Variants in FSIP2 observed in about 807,000 individuals in gnomAD.
The protein encoded by FSIP2 is fibrous sheath interacting protein 2, also known as fibrous sheath-interacting protein 2.
Under a neutral mutation model 510.5 loss-of-function variants are expected in FSIP2, and 367 were observed. That is an observed-to-expected ratio of 0.72 (90% CI 0.66 to 0.78). The LOEUF (loss-of-function observed/expected upper bound fraction) is 0.78. Among genes scored for constraint, FSIP2 ranks in the 30% least tolerant of loss-of-function variants. The pLI is 0.00. For missense variants in FSIP2, 7,594 were observed against 7,901.7 expected, an observed-to-expected ratio of 0.96 and a Z score of 1.48; for synonymous variants, 2,601 against 2,732.2, an observed-to-expected ratio of 0.95 and a Z score of 1.50.
intron 16 of FSIP2, chr2:185,797,728 A>C (rs1303452744): frequency 3.5e-6 from 2 of 577,394 alleles, no homozygotes; most frequent in Admixed American, 4.7e-5. Flanking sequence ...TGTCTCTGTC[A>C]CTGAGGCTAG....
chr2:185,760,072 T>C (rs1486978199), intron 9 of FSIP2, among the ~76,000 whole-genome samples: 1 of 151,038 alleles, frequency 6.6e-6, no homozygotes, highest in Non-Finnish European at 1.5e-5. Context: ...CATGTATTTC[T>C]TTATTATTTC....
Position 185,789,780 on chromosome 2 carries a change from T to C in FSIP2, c.2644T>C (p.Leu882=), listed in dbSNP as rs1186027047. 6.5e-7 allele frequency: 1 copy of C among 1,534,340 alleles called. No individual in the cohort carries two copies. Among genetic ancestry groups the C allele is most frequent in the Non-Finnish European group, 8.7e-7 (1 of 1,145,688 alleles). The part of the protein sequence containing the change: ...KSSLESDEAS[L]IVNEEVQNLI... ...TAGTCTTGAATCTGATGAAGCTAGT[T>C]TAATTGTCAATGAAGAAGTACAAAA... The change falls in exon 16 of 23, where the codon TTA becomes CTA. Residue 882 remains leucine (L), a synonymous_variant. Transcript: ENST00000424728.
chr2:185,807,796 C>A lies in FSIP2; in HGVS notation c.18490C>A (p.Pro6164Thr), dbSNP rs1693622677. 1 of 1,612,524 alleles carries A rather than the reference C, an allele frequency of 6.2e-7. No homozygotes were observed. The highest frequency in any genetic ancestry group is 1.1e-5 in the South Asian group (1 of 91,002). The change falls in exon 17 of 23, where the codon CCC (proline) becomes ACC (threonine). Residue 6164 changes from proline (P) to threonine (T), a missense_variant. By Grantham distance (38) the Pro-to-Thr change is conservative. Coordinates refer to ENST00000424728, the MANE Select transcript of FSIP2 (RefSeq NM_173651.4). ...LKDVFQTTDVPLPKPSHADKL... is the reference protein window; with the variant it reads ...LKDVFQTTDVTLPKPSHADKL... ...AGATGTTTTCCAAACTACTGATGTG[C>A]CCCTACCTAAACCTTCACATGCTGA...
At chr2:185,758,687 C>T (rs1401886992) in intron 9 of FSIP2, among the ~76,000 whole-genome samples, 1 of 150,994 alleles carries the variant, frequency 6.6e-6, no homozygotes, top group African/African-American at 2.4e-5. Flanking sequence ...TGATATCTTC[C>T]TTGCTACCTG....
chr2:185,790,399 A>G lies in FSIP2; in HGVS notation c.3263A>G (p.Asn1088Ser). ...EDILKKKLSSNKDISTFSQDQ... is the reference protein window; with the variant it reads ...EDILKKKLSSSKDISTFSQDQ... The stretch of plus-strand genomic sequence containing the variant: ...ATTTTAAAGAAAAAACTTTCTTCGA[A>G]TAAAGACATTTCAACTTTCAGCCAA... Residue 1088 changes from asparagine to serine, a missense_variant, in exon 16 of 23, where the codon AAT becomes AGT. Transcript: ENST00000424728. The G allele has an allele frequency of 6.5e-7, 1 of 1,529,846 alleles. No individual in the cohort carries two copies. The allele number at this position is 1,529,846 out of a possible 1,614,324, so 94.8% of individuals were successfully genotyped here. A position where few individuals can be genotyped will look rare whatever the true frequency, so the allele number is the denominator to read the frequency against.
chr2:185,796,640 AT>A lies in FSIP2; in HGVS notation c.9505del (p.Ser3169GlnfsTer3). 1 of 1,535,110 alleles carries A rather than the reference AT, an allele frequency of 6.5e-7. No homozygotes were observed. ...TAGCAACTAATATGAAAATGTTCAC[AT>A]CAAAGTTAAAGGAAGGTAGTTTGGG... Reference protein sequence around the residue: ...ELATNMKMFTSKLKEGSLGIN... With the variant: ...ELATNMKMFTXKLKEGSLGIN... On this transcript the variant is annotated frameshift_variant, in exon 16 of 23. Coordinates refer to ENST00000424728, the MANE Select transcript of FSIP2 (RefSeq NM_173651.4). LOFTEE classifies it high-confidence loss of function.
intron 13 of FSIP2, chr2:185,765,940 CTGTT>C (rs1574163767): frequency 2.7e-5 from 4 of 149,902 alleles, no homozygotes; most frequent in East Asian, 4.0e-4. Flanking sequence ...ATTTGGCTCT[CTGTT>C]TGTCTGTTGT....
intron 13 of FSIP2, among the ~76,000 whole-genome samples, chr2:185,775,390 G>T (rs1160835793): frequency 6.6e-6 from 1 of 151,420 alleles, no homozygotes; most frequent in Non-Finnish European, 1.5e-5. Flanking sequence ...CTTTTGAGAA[G>T]TGTCTGTTCA....
chr2:185,828,564 G>A (rs192588795), intron 21 of FSIP2, among the ~76,000 whole-genome samples: 74 of 151,946 alleles, frequency 4.9e-4, no homozygotes, highest in African/African-American at 1.7e-3. Context: ...AGACTCAAGT[G>A]AGCAACGTGG....
At chr2:185,761,782 T>C (rs1692357753) in intron 10 of FSIP2, among the ~76,000 whole-genome samples, 190 bp from the exon 11 acceptor site, 1 of 151,244 alleles carries the variant, frequency 6.6e-6, no homozygotes, top group South Asian at 2.1e-4. Flanking sequence ...TTTGGACTAG[T>C]TAAACTTGAG....
intron 22 of FSIP2, among the ~76,000 whole-genome samples, chr2:185,832,727 T>C (rs1211161171): frequency 6.6e-6 from 1 of 151,908 alleles, no homozygotes; most frequent in Non-Finnish European, 1.5e-5. Flanking sequence ...AATAATCACT[T>C]GGGGTCAGTC....
chr2:185,791,176 G>A lies in FSIP2; in HGVS notation c.4040G>A (p.Ser1347Asn). ...AAAAAATTAGAATCTCTTGTCACGA[G>A]TATTGATGATGACATTTTGGCGAGT... Reference protein sequence around the residue: ...TDKKLESLVTSIDDDILASPL... With the variant: ...TDKKLESLVTNIDDDILASPL... Residue 1347 changes from serine (S) to asparagine (N), a missense_variant, in exon 16 of 23, where the codon AGT becomes AAT. Transcript: ENST00000424728. The A allele has an allele frequency of 6.5e-7, 1 of 1,533,718 alleles. No individual in the cohort carries two copies. The highest frequency in any genetic ancestry group is 1.2e-5 in the South Asian group (1 of 84,006).
intron 15 of FSIP2, among the ~76,000 whole-genome samples, chr2:185,787,249 AAT>A (rs2105605743): frequency 1.3e-5 from 2 of 151,890 alleles, no homozygotes; most frequent in East Asian, 3.9e-4. Flanking sequence ...GTCATCTCAA[AAT>A]ATGTGTTTAA....
At chr2:185,780,983 A>G (rs970014496) in intron 13 of FSIP2, among the ~76,000 whole-genome samples, 2 of 151,698 alleles carry the variant, frequency 1.3e-5, no homozygotes, top group African/African-American at 2.4e-5. Context: ...TTAGCATATA[A>G]TTTTATCTTC....
rs1408687969 is a variant in FSIP2, at chr2:185,771,373, T to C, written c.1411+6808T>C. On this transcript the variant is annotated intron_variant, in intron 13 of 22. Coordinates refer to ENST00000424728, the MANE Select transcript of FSIP2 (RefSeq NM_173651.4). ...CTGCCTGGACATCCTGCCTTTCTCA[T>C]ACATACTCTGAAATCTATATGGAGC... Among the ~76,000 whole-genome samples the C allele has an allele frequency of 2.0e-5, 3 of 152,246 alleles. No homozygotes were observed. The East Asian group carries it at 5.8e-4, about 29-fold the overall frequency.
rs1274147143 is a variant in FSIP2 at position 185,808,362 on chromosome 2, G to A, written c.19056G>A (p.Leu6352=). ...TLDAKLLEEV[L]ALFLAKLIRL... ...ATGCCAAACTTTTAGAAGAGGTGTT[G>A]GCCTTGTTCTTGGCTAAACTAATAA... The change falls in exon 17 of 23, where the codon TTG becomes TTA. Residue 6352 remains leucine (L), a synonymous_variant. Transcript: ENST00000424728. The A allele has an allele frequency of 1.2e-6, 2 of 1,611,402 alleles. No homozygotes were observed. Among genetic ancestry groups the A allele is most frequent in the East Asian group, 2.2e-5 (1 of 44,636 alleles).
chr2:185,799,805 A>T lies in FSIP2; in HGVS notation c.10499A>T (p.Glu3500Val). ...GATTCTTCAATTTATCAATGTTGTG[A>T]ACATCTCACTGAGTCAGTACTTTAC... Reference protein sequence around the residue: ...YDDSSIYQCCEHLTESVLYHL... With the variant: ...YDDSSIYQCCVHLTESVLYHL... The change falls in exon 17 of 23, where the codon GAA (glutamate) becomes GTA (valine). Residue 3500 changes from glutamate to valine, a missense_variant. Glu to Val is a moderately radical substitution (Grantham distance 121). Coordinates refer to ENST00000424728, the MANE Select transcript of FSIP2 (RefSeq NM_173651.4). The T allele has an allele frequency of 6.5e-7, 1 of 1,531,284 alleles. No homozygotes were observed. The highest frequency in any genetic ancestry group is 8.7e-7 in the Non-Finnish European group (1 of 1,143,802). 94.9% of individuals were successfully genotyped at this position (1,531,284 alleles called of 1,614,324 possible). A position where few individuals can be genotyped will look rare whatever the true frequency, so the allele number is the denominator to read the frequency against.
At chr2:185,783,687 C>T (rs765166430) in intron 14 of FSIP2, 1 of 152,028 alleles carries the variant, frequency 6.6e-6, no homozygotes, top group South Asian at 2.1e-4. Context: ...ACTTGATGAC[C>T]GTGTGTAGAC....
At position 185,806,430 on chromosome 2, in the gene FSIP2, C is replaced by A. The variant is rs776643141; in HGVS notation, c.17124C>A (p.Ser5708Arg). 8.7e-6 allele frequency: 14 copies of A among 1,611,820 alleles called. No homozygotes were observed. Among genetic ancestry groups the A allele is most frequent in the Non-Finnish European group, 9.3e-6 (11 of 1,178,526 alleles). ...AYYSKLSYDQ[S>R]PPGDNVLNVI... Reference sequence around the variant, plus strand: ...ATTCGAAACTCAGTTATGACCAAAGCCCCCCAGGTGATAATGTATTAAATG... The same window carrying A: ...ATTCGAAACTCAGTTATGACCAAAGACCCCCAGGTGATAATGTATTAAATG... Residue 5708 changes from serine to arginine, a missense_variant, in exon 17 of 23, where the codon AGC becomes AGA. Physicochemically the swap from Ser to Arg is moderately radical, Grantham distance 110. Transcript: ENST00000424728.
Sources: allele counts gnomAD v4.1 joint callset (sites outside exome capture counted in the v4.1 genomes callset), GRCh38; gene constraint gnomAD v4.1.1; transcripts MANE v1.5; gene names NCBI Gene and HGNC (gene_info 2026-07-23, HGNC 2026-07-21).